RREB1: variants seen among roughly 807,000 people sequenced by gnomAD.
RREB1 encodes ras-responsive element-binding protein 1.
RREB1 carries 27 observed loss-of-function variants against 117.8 expected under a neutral mutation model. The observed-to-expected ratio is 0.23, with a 90% CI of 0.17 to 0.32. The LOEUF is 0.32. RREB1 is among the 10% of genes least tolerant of loss of function. RREB1 has a pLI of 1.00. For missense variants in RREB1, 2,577 were observed against 2,378.2 expected, an observed-to-expected ratio of 1.08 and a Z score of -1.74; for synonymous variants, 1,298 against 1,026.7, an observed-to-expected ratio of 1.26 and a Z score of -5.05.
chr6:7,192,911 G>A (rs1423380294), intron 6 of RREB1, among the ~76,000 whole-genome samples: 2 of 152,128 alleles, frequency 1.3e-5, no homozygotes, highest in East Asian at 3.8e-4. Context: ...TTTAAATACA[G>A]GCTTTTATAG....
intron 1 of RREB1, among the ~76,000 whole-genome samples, chr6:7,146,160 A>G (rs1042894009): frequency 1.3e-5 from 2 of 152,062 alleles, no homozygotes; most frequent in Non-Finnish European, 2.9e-5. Context: ...TAGGCAGAAC[A>G]TGGATGTGAA....
chr6:7,196,319 A>T (rs1189657643), intron 6 of RREB1, among the ~76,000 whole-genome samples: 1 of 144,056 alleles, frequency 6.9e-6, no homozygotes, highest in Non-Finnish European at 1.5e-5. Context: ...CTCTTAGCTG[A>T]TATTGAGGTG....
chr6:7,246,542 G>A lies in RREB1; in HGVS notation c.4092G>A (p.Ala1364=), dbSNP rs938143340. ...ATELRQVAGD[A]PVEQATAETA... ...AGCTCCGCCAGGTCGCAGGGGATGC[G>A]CCTGTGGAGCAGGCCACGGCGGAAA... The change falls in exon 12 of 13, where the codon GCG becomes GCA. Residue 1364 remains alanine (A), a synonymous_variant. Transcript: ENST00000379938. 4 of 1,547,858 alleles carry A rather than the reference G, an allele frequency of 2.6e-6. No homozygotes were observed. The highest frequency in any genetic ancestry group is 3.5e-6 in the Non-Finnish European group (4 of 1,146,556).
chr6:7,130,013 C>T (rs1225890195), intron 1 of RREB1, among the ~76,000 whole-genome samples: 1 of 152,162 alleles, frequency 6.6e-6, no homozygotes, highest in Non-Finnish European at 1.5e-5. Flanking sequence ...GGTGAACCTA[C>T]TTGTCCCAGG....
intron 1 of RREB1, among the ~76,000 whole-genome samples, chr6:7,154,595 C>CATATT (rs1561748614): frequency 6.6e-6 from 1 of 152,148 alleles, no homozygotes; most frequent in Non-Finnish European, 1.5e-5. Flanking sequence ...TCAGAACAGT[C>CATATT]ATATGATTTC....
intron 1 of RREB1, among the ~76,000 whole-genome samples, chr6:7,141,938 C>G (rs552012711): frequency 1.3e-5 from 2 of 152,340 alleles, no homozygotes; most frequent in East Asian, 1.9e-4. Context: ...TGGCCCTCGC[C>G]CATAGGCTCA....
intron 6 of RREB1, among the ~76,000 whole-genome samples, chr6:7,199,382 C>G (rs761773148): frequency 1.8e-4 from 27 of 152,254 alleles, no homozygotes; most frequent in Admixed American, 1.3e-3. Flanking sequence ...ATATTTAACC[C>G]AGCAGTTCCT....
chr6:7,240,385 TA>T, intron 10 of RREB1, 52 bp from the exon 11 acceptor site: 2 of 1,493,214 alleles, frequency 1.3e-6, no homozygotes, highest in South Asian at 2.5e-5. Context: ...GCGACTTTTC[TA>T]TTTCATTGCA....
intron 6 of RREB1, among the ~76,000 whole-genome samples, chr6:7,193,787 G>T (rs895050552): frequency 4.6e-5 from 7 of 152,048 alleles, no homozygotes; most frequent in African/African-American, 1.7e-4. Context: ...ATTTTGACTG[G>T]GACCCATCAC....
chr6:7,168,455 G>A (rs915160784), intron 1 of RREB1, among the ~76,000 whole-genome samples: 20 of 152,100 alleles, frequency 1.3e-4, no homozygotes, highest in African/African-American at 4.8e-4. Flanking sequence ...ACCCATTGCC[G>A]GACTGGGGTT....
At chr6:7,236,876 T>C (rs1307149803) in intron 10 of RREB1, among the ~76,000 whole-genome samples, 5 of 149,934 alleles carry the variant, frequency 3.3e-5, no homozygotes, top group African/African-American at 9.8e-5. Flanking sequence ...TTTTTTTGTT[T>C]GTTTTTGGAG....
At chr6:7,141,927 G>C (rs1477265011) in intron 1 of RREB1, among the ~76,000 whole-genome samples, 1 of 152,230 alleles carries the variant, frequency 6.6e-6, no homozygotes, top group Non-Finnish European at 1.5e-5. Flanking sequence ...GCCGGGAGCG[G>C]TGGCCCTCGC....
chr6:7,158,328 G>T (rs369372367), intron 1 of RREB1, among the ~76,000 whole-genome samples: 1 of 151,998 alleles, frequency 6.6e-6, no homozygotes, highest in African/African-American at 2.4e-5. Flanking sequence ...TTTGTAGGCA[G>T]GTCTCCCTCC....
At chr6:7,109,174 C>T (rs1761007201) in intron 1 of RREB1, among the ~76,000 whole-genome samples, 3 of 151,894 alleles carry the variant, frequency 2.0e-5, no homozygotes, top group Admixed American at 6.5e-5. Flanking sequence ...CAGTTTTTCA[C>T]GAGTTCTGGG....
intron 1 of RREB1, among the ~76,000 whole-genome samples, chr6:7,109,029 G>A (rs890792164): frequency 6.6e-6 from 1 of 151,514 alleles, no homozygotes; most frequent in Admixed American, 6.6e-5. Flanking sequence ...GCGGGCGGGG[G>A]GGGTGGGGGG....
chr6:7,187,243 T>C (rs547149151), intron 4 of RREB1, among the ~76,000 whole-genome samples, 191 bp from the exon 5 acceptor site: 1 of 152,298 alleles, frequency 6.6e-6, no homozygotes, highest in East Asian at 1.9e-4. Flanking sequence ...TGGTACTGTT[T>C]TTCCCATCTT....
At chr6:7,240,683 A>G in intron 11 of RREB1, 81 bp downstream of exon 11, 1 of 1,320,556 alleles carries the variant, frequency 7.6e-7, no homozygotes, top group Non-Finnish European at 1.1e-6. Flanking sequence ...CTCCAGTCCG[A>G]GCTGTGGAGG....
At chr6:7,109,985 G>A (rs1761054718) in intron 1 of RREB1, among the ~76,000 whole-genome samples, 1 of 152,212 alleles carries the variant, frequency 6.6e-6, no homozygotes, top group African/African-American at 2.4e-5. Context: ...CTCTTTAAAA[G>A]CCAGTGGAAA....
At position 7,113,053 on chromosome 6, in the gene RREB1, A is replaced by G. The variant is rs375398314; in HGVS notation, c.-285+4993A>G. ...ACTGTGAGTAGGTGCTTCAGACGAA[A>G]GCATGGGAGAGGGTGGAGATTGTTT... On this transcript the variant is annotated intron_variant, in intron 1 of 12. Coordinates refer to ENST00000379938, the MANE Select transcript of RREB1 (RefSeq NM_001003699.4). Among the ~76,000 whole-genome samples the G allele has an allele frequency of 7.9e-5, 12 of 152,324 alleles. No individual in the cohort carries two copies. The East Asian group carries it at 1.5e-3, about 20-fold the overall frequency.
Sources: allele counts gnomAD v4.1 joint callset (sites outside exome capture counted in the v4.1 genomes callset), GRCh38; gene constraint gnomAD v4.1.1; transcripts MANE v1.5; gene names NCBI Gene and HGNC (gene_info 2026-07-23, HGNC 2026-07-21).